CDH23: variants seen among roughly 807,000 people sequenced by gnomAD.
CDH23 encodes cadherin related 23.
Under a neutral mutation model 317.1 loss-of-function variants are expected in CDH23, and 189 were observed. The observed-to-expected ratio is 0.60, with a 90% CI of 0.53 to 0.67. The LOEUF (loss-of-function observed/expected upper bound fraction) is 0.67, where lower values mean the gene tolerates loss of function less well. Ranked by LOEUF, CDH23 falls within the 30% of genes least tolerant of loss-of-function variation. The probability of loss-of-function intolerance (pLI) is 0.00; values close to 1 mark genes in which losing one functional copy is unlikely to be tolerated. For synonymous variants in CDH23, 1,839 were observed against 1,876.8 expected (o/e 0.98, Z 0.52); for missense variants, 4,401 against 4,592.4 (o/e 0.96, Z 1.20).
intron 52 of CDH23, among the ~76,000 whole-genome samples, chr10:71,800,235 G>T (rs539103496): frequency 6.6e-6 from 1 of 152,374 alleles, no homozygotes; most frequent in South Asian, 2.1e-4. Flanking sequence ...CCCAGTTGCT[G>T]GGGCTGGAAC....
At chr10:71,603,779 A>G (rs1030480313) in intron 9 of CDH23, among the ~76,000 whole-genome samples, 2 of 152,264 alleles carry the variant, frequency 1.3e-5, no homozygotes, top group African/African-American at 2.4e-5. Context: ...TAATCCCAGC[A>G]TGGTCACTTA....
intron 3 of CDH23, among the ~76,000 whole-genome samples, chr10:71,480,621 C>T (rs1037822110): frequency 1.3e-5 from 2 of 152,146 alleles, no homozygotes; most frequent in Non-Finnish European, 2.9e-5. Flanking sequence ...CAAGATGGAG[C>T]AGGACCTGCT....
chr10:71,809,837 C>G lies in CDH23; in HGVS notation c.8740C>G (p.Leu2914Val). ...TCCTGCAGGGAGCATGGACGGCATT[C>G]TGCGCACCTTCGACCTCTTCATGGC... ...VFTMGSMDGI[L>V]RTFDLFMAYS... The change falls in exon 61 of 70, where the codon CTG becomes GTG. Residue 2914 changes from leucine to valine, a missense_variant. Leu to Val is a conservative substitution (Grantham distance 32). Transcript: ENST00000224721. The G allele has an allele frequency of 6.2e-7, 1 of 1,612,800 alleles. No homozygotes were observed. Among genetic ancestry groups the G allele is most frequent in the Non-Finnish European group, 8.5e-7 (1 of 1,179,566 alleles).
intron 12 of CDH23, among the ~76,000 whole-genome samples, chr10:71,644,229 G>A (rs1862719745): frequency 6.6e-6 from 1 of 152,242 alleles, no homozygotes; most frequent in African/African-American, 2.4e-5. Context: ...GAGCCCCGCG[G>A]CTTGCCTGGA....
chr10:71,626,184 T>C (rs1039387561), intron 11 of CDH23, among the ~76,000 whole-genome samples: 3 of 152,186 alleles, frequency 2.0e-5, no homozygotes, highest in African/African-American at 7.2e-5. Context: ...TATTTTAGTG[T>C]GTGGAAAATA....
rs1379857747 is a variant in CDH23, at chr10:71,630,648, G to A, written c.1135-13213G>A. Among the ~76,000 whole-genome samples the A allele has an allele frequency of 9.2e-5, 14 of 152,242 alleles. No homozygotes were observed. The East Asian group carries it at 9.6e-4, about 10-fold the overall frequency. On this transcript the variant is annotated intron_variant, in intron 11 of 69. Transcript: ENST00000224721. The stretch of plus-strand genomic sequence containing the variant: ...CGTAGGTTAGCTTCCAGCGTGTTAC[G>A]TTTGACATGCTTGTTAGACACCCAG...
Position 71,450,985 on chromosome 10 carries a change from G to T in CDH23, c.145+4590G>T, listed in dbSNP as rs148337518. On this transcript the variant is annotated intron_variant, in intron 3 of 69. Coordinates refer to ENST00000224721, the MANE Select transcript of CDH23 (RefSeq NM_022124.6). ...TTCATCCTCAGTTTGTCCAAAGCTG[G>T]AATCCTGACCTCCCCCAGATTCCTG... Among the ~76,000 whole-genome samples the T allele has an allele frequency of 1.7e-4, 26 of 152,182 alleles. No homozygotes were observed. In the East Asian group the frequency reaches 5.0e-3, roughly 29 times the overall value.
At chr10:71,511,271 C>T (rs778331241) in intron 6 of CDH23, 59 bp downstream of exon 6, 49 of 1,439,130 alleles carry the variant, frequency 3.4e-5, no homozygotes, top group Non-Finnish European at 4.7e-5. Flanking sequence ...CCCAGACCAC[C>T]ATGGTGTAGG....
At chr10:71,444,237 A>G (rs1000080881) in intron 2 of CDH23, among the ~76,000 whole-genome samples, 120 of 152,410 alleles carry the variant, frequency 7.9e-4, no homozygotes, top group African/African-American at 2.8e-3. Context: ...CCAGTGGCAC[A>G]GCGCTAAGCG....
At chr10:71,458,500 T>C (rs1187857618) in intron 3 of CDH23, among the ~76,000 whole-genome samples, 1 of 152,248 alleles carries the variant, frequency 6.6e-6, no homozygotes, top group Non-Finnish European at 1.5e-5. Flanking sequence ...GACAACCTCA[T>C]AGGGAGCTAA....
chr10:71,587,936 A>G (rs956672957), intron 9 of CDH23, among the ~76,000 whole-genome samples: 1 of 152,396 alleles, frequency 6.6e-6, no homozygotes, highest in East Asian at 1.9e-4. Flanking sequence ...TGTCTTAGGC[A>G]TGCCCTTTTG....
At chr10:71,470,836 CATT>C (rs1851471907) in intron 3 of CDH23, among the ~76,000 whole-genome samples, 1 of 152,158 alleles carries the variant, frequency 6.6e-6, no homozygotes, top group Admixed American at 6.5e-5. Flanking sequence ...GATAGTATCT[CATT>C]GTCATTTTAT....
rs140278765 is a variant in CDH23 at position 71,580,850 on chromosome 10, C to A, written c.832+2858C>A. On this transcript the variant is annotated intron_variant, in intron 9 of 69. Transcript: ENST00000224721. Reference sequence around the variant, plus strand: ...GGTGGCTCAACAGGGCTGCCCCCACCCCCCATTCCTACCCCTTTCTCTGTG... The same window carrying A: ...GGTGGCTCAACAGGGCTGCCCCCACACCCCATTCCTACCCCTTTCTCTGTG... 5.3e-5 allele frequency among the ~76,000 whole-genome samples: 8 copies of A among 152,090 alleles called. No individual in the cohort carries two copies. In the East Asian group the frequency reaches 1.6e-3, roughly 29 times the overall value.
At chr10:71,455,081 A>G (rs1850626933) in intron 3 of CDH23, among the ~76,000 whole-genome samples, 1 of 152,128 alleles carries the variant, frequency 6.6e-6, no homozygotes, top group African/African-American at 2.4e-5. Flanking sequence ...GCTTTAAGCA[A>G]TCCTCCTGCC....
rs372807578 is a variant in CDH23, at chr10:71,702,160, G to A, written c.2536G>A (p.Asp846Asn). Residue 846 changes from aspartate (D) to asparagine (N), a missense_variant, in exon 23 of 70, where the codon GAC becomes AAC. Around this residue, in one of 3 missense-constraint regions of CDH23, gnomAD observed 3,068 missense variants for 3,203.3 expected, o/e 0.96. Transcript: ENST00000224721. Reference protein sequence around the residue: ...THAMLDRENPDPHEAELMRKI... With the variant: ...THAMLDRENPNPHEAELMRKI... Reference sequence around the variant, plus strand: ...CGCCATGCTGGACCGGGAGAACCCCGACCCCCATGAGGCCGAGCTGATGCG... The same window carrying A: ...CGCCATGCTGGACCGGGAGAACCCCAACCCCCATGAGGCCGAGCTGATGCG... 2.7e-5 allele frequency: 43 copies of A among 1,613,752 alleles called. No individual in the cohort carries two copies. Among genetic ancestry groups the A allele is most frequent in the East Asian group, 1.3e-4 (6 of 44,892 alleles).
chr10:71,797,903 G>A (rs1841446093), intron 49 of CDH23, among the ~76,000 whole-genome samples: 1 of 152,150 alleles, frequency 6.6e-6, no homozygotes, highest in Admixed American at 6.5e-5. Context: ...GGGGAAGCCA[G>A]GCCTGGCAGA....
chr10:71,545,817 C>T (rs1378507049), intron 6 of CDH23, among the ~76,000 whole-genome samples: 9 of 152,108 alleles, frequency 5.9e-5, no homozygotes, highest in African/African-American at 4.8e-5. Flanking sequence ...TGAGCAGAGA[C>T]CTTGAGGGAG....
Position 71,793,307 on chromosome 10 carries a change from G to A in CDH23, c.6379G>A (p.Val2127Ile). 6.2e-7 allele frequency: 1 copy of A among 1,614,016 alleles called. No individual in the cohort carries two copies. The highest frequency in any genetic ancestry group is 8.5e-7 in the Non-Finnish European group (1 of 1,179,888). ...LIHLVTGVIR[V>I]GNATIDREEQ... ...TCATCTGGTCACCGGGGTCATCCGT[G>A]TTGGTAATGCCACCATCGACAGAGA... The change falls in exon 48 of 70, where the codon GTT (valine) becomes ATT (isoleucine). Residue 2127 changes from valine to isoleucine, a missense_variant. Coordinates refer to ENST00000224721, the MANE Select transcript of CDH23 (RefSeq NM_022124.6).
intron 12 of CDH23, 125 bp from the exon 13 acceptor site, chr10:71,645,706 C>T (rs1862811450): frequency 5.6e-6 from 6 of 1,075,962 alleles, no homozygotes; most frequent in Non-Finnish European, 8.6e-6. Flanking sequence ...GTCCCAGCGC[C>T]TCATCCATTG....
Sources: gnomAD v4.1 joint callset for allele counts (sites outside exome capture counted in the v4.1 genomes callset) on GRCh38, gnomAD v4.1.1 for gene constraint, gnomAD v4.1.1 regional missense constraint, MANE v1.5 for transcripts, NCBI Gene and HGNC (gene_info 2026-07-23, HGNC 2026-07-21) for gene names.